UGT1A8: variants seen among roughly 807,000 people sequenced by gnomAD.
UGT1A8 encodes UDP-glucuronosyltransferase 1A8.
A neutral mutation model predicts 45.3 loss-of-function variants in UGT1A8; 39 were observed. The observed-to-expected ratio is 0.86, with a 90% CI of 0.67 to 1.12. UGT1A8 has a LOEUF of 1.12. UGT1A8 is among the 50% of genes most tolerant of loss of function. The probability of loss-of-function intolerance (pLI) is 0.00; values close to 1 mark genes in which losing one functional copy is unlikely to be tolerated. For synonymous variants in UGT1A8, 275 were observed against 249.2 expected, an observed-to-expected ratio of 1.10 and a Z score of -0.97; for missense variants, 719 against 664.9, an observed-to-expected ratio of 1.08 and a Z score of -0.90.
Position 233,669,050 on chromosome 2 carries a change from G to C in UGT1A8, c.855+50488G>C, listed in dbSNP as rs377089392. ...TTTAGGAGGAAGACCACAAGGTAAT[G>C]TGTTTTCCCGCTTTCTTGCGAATGG... is the stretch of plus-strand genomic sequence containing the variant. On this transcript the variant is annotated intron_variant, in intron 1 of 4. Coordinates refer to ENST00000373450, the MANE Select transcript of UGT1A8 (RefSeq NM_019076.5). 5.7e-4 allele frequency among the ~76,000 whole-genome samples: 87 copies of C among 152,342 alleles called. No individual in the cohort carries two copies. The South Asian group carries it at 0.017, about 30-fold the overall frequency.
At chr2:233,619,592 A>T (rs1487284639) in intron 1 of UGT1A8, among the ~76,000 whole-genome samples, 1 of 152,218 alleles carries the variant, frequency 6.6e-6, no homozygotes, top group East Asian at 1.9e-4. Context: ...ATAAATAAAA[A>T]TTTTCACTAT....
intron 1 of UGT1A8, among the ~76,000 whole-genome samples, chr2:233,650,065 G>T (rs996905694): frequency 6.6e-6 from 1 of 152,106 alleles, no homozygotes; most frequent in African/African-American, 2.4e-5. Context: ...CTGCCTCCTG[G>T]GTTCAAGCGA....
chr2:233,758,800 G>A (rs970637590), intron 1 of UGT1A8, among the ~76,000 whole-genome samples: 4 of 152,152 alleles, frequency 2.6e-5, no homozygotes, highest in African/African-American at 9.7e-5. Flanking sequence ...TCTTGGAATT[G>A]TATAGTACAG....
At chr2:233,765,423 G>T (rs181881481) in intron 1 of UGT1A8, among the ~76,000 whole-genome samples, 1 of 152,168 alleles carries the variant, frequency 6.6e-6, no homozygotes, top group South Asian at 2.1e-4. Context: ...ATACTATGCA[G>T]CCATAACAAG....
At chr2:233,696,345 ACTTC>A (rs201944530) in intron 1 of UGT1A8, among the ~76,000 whole-genome samples, 53 of 152,076 alleles carry the variant, frequency 3.5e-4, no homozygotes, top group Non-Finnish European at 6.9e-4. Context: ...CAGATCTTTC[ACTTC>A]CTTCCTTAAA....
chr2:233,663,720 T>A (rs969075823), intron 1 of UGT1A8, among the ~76,000 whole-genome samples: 32 of 152,254 alleles, frequency 2.1e-4, no homozygotes, highest in Non-Finnish European at 4.0e-4. Context: ...AAAATAAGTT[T>A]CTCCCAAAGT....
intron 1 of UGT1A8, among the ~76,000 whole-genome samples, chr2:233,640,555 C>G (rs1174236304): frequency 1.3e-5 from 2 of 152,112 alleles, no homozygotes; most frequent in African/African-American, 4.8e-5. Flanking sequence ...ACAGAGAATT[C>G]AGAAATAAAC....
chr2:233,693,173 G>T, intron 1 of UGT1A8: 1 of 1,614,186 alleles, frequency 6.2e-7, no homozygotes, highest in Non-Finnish European at 8.5e-7. Flanking sequence ...TCATGAGATT[G>T]TAGTGGTGGT....
At chr2:233,720,324 C>T (rs938076582) in intron 1 of UGT1A8, among the ~76,000 whole-genome samples, 3 of 151,934 alleles carry the variant, frequency 2.0e-5, no homozygotes, top group Admixed American at 6.6e-5. Flanking sequence ...GTGGGGACAT[C>T]GTAGAGTTTG....
chr2:233,751,722 ACTCTTC>A (rs1694794722), intron 1 of UGT1A8, among the ~76,000 whole-genome samples: 1 of 150,748 alleles, frequency 6.6e-6, no homozygotes, highest in African/African-American at 2.4e-5. Context: ...TCACAAGTGA[ACTCTTC>A]CTCTCTGTTT....
intron 1 of UGT1A8, chr2:233,682,591 A>G (rs747574458): frequency 2.5e-6 from 4 of 1,613,708 alleles, no homozygotes; most frequent in South Asian, 2.2e-5. Flanking sequence ...AGGAACATTT[A>G]TTTTGCCCCT....
rs745603293 is a variant in UGT1A8, at chr2:233,772,357, G to A, written c.1391G>A (p.Arg464Lys). Residue 464 changes from arginine (R) to lysine (K), a missense_variant, in exon 5 of 5, where the codon AGG becomes AAG. Coordinates refer to ENST00000373450, the MANE Select transcript of UGT1A8 (RefSeq NM_019076.5). ...LAVFWVEFVM[R>K]HKGAPHLRPA... The stretch of plus-strand genomic sequence containing the variant: ...GTGTTCTGGGTGGAGTTTGTGATGA[G>A]GCACAAGGGCGCGCCACACCTGCGC... The A allele has an allele frequency of 1.4e-5, 22 of 1,614,268 alleles. No individual in the cohort carries two copies. The highest frequency in any genetic ancestry group is 1.8e-5 in the Non-Finnish European group (21 of 1,180,054).
intron 1 of UGT1A8, among the ~76,000 whole-genome samples, chr2:233,688,210 T>C (rs1416459213): frequency 1.3e-5 from 2 of 152,238 alleles, no homozygotes; most frequent in African/African-American, 4.8e-5. Context: ...CACTTAGTTT[T>C]GTGGCTTATC....
intron 1 of UGT1A8, chr2:233,693,944 G>T: frequency 6.3e-7 from 1 of 1,599,222 alleles, no homozygotes; most frequent in Non-Finnish European, 8.5e-7. Flanking sequence ...TCCTTGAGCC[G>T]ACTGTCCCTT....
At chr2:233,679,928 T>G (rs2074466568) in intron 1 of UGT1A8, among the ~76,000 whole-genome samples, 2 of 152,312 alleles carry the variant, frequency 1.3e-5, no homozygotes, top group Admixed American at 1.3e-4. Flanking sequence ...CAAAAATGTA[T>G]TTCACAAAAA....
intron 1 of UGT1A8, chr2:233,648,802 ATCT>A: frequency 3.2e-6 from 3 of 948,774 alleles, no homozygotes; most frequent in Admixed American, 3.7e-5. Flanking sequence ...AAGGAACCAC[ATCT>A]TCTACTTAGA....
intron 1 of UGT1A8, among the ~76,000 whole-genome samples, chr2:233,664,170 C>T (rs1421019782): frequency 6.6e-6 from 1 of 152,176 alleles, no homozygotes; most frequent in Non-Finnish European, 1.5e-5. Context: ...TCACATGAGA[C>T]CTCATTAGCC....
At chr2:233,770,449 T>A (rs1700082466) in intron 4 of UGT1A8, 1 of 151,928 alleles carries the variant, frequency 6.6e-6, no homozygotes, top group Non-Finnish European at 1.5e-5. Flanking sequence ...AGGTTAGGAG[T>A]TCGAAACCAA....
At chr2:233,718,649 C>G (rs1013351620) in intron 1 of UGT1A8, 2 of 1,502,938 alleles carry the variant, frequency 1.3e-6, no homozygotes, top group South Asian at 1.3e-5. Context: ...GGGCCCATAA[C>G]GAAAGGCAGT....
Sources: gnomAD v4.1 joint callset for allele counts (sites outside exome capture counted in the v4.1 genomes callset) on GRCh38, gnomAD v4.1.1 for gene constraint, MANE v1.5 for transcripts, NCBI Gene and HGNC (gene_info 2026-07-23, HGNC 2026-07-21) for gene names.